The following WAC variants were observed in gnomAD, a reference collection of about 807,000 sequenced individuals.
WAC encodes the protein WW domain-containing adapter protein with coiled-coil.
Under a neutral mutation model 79.6 loss-of-function variants are expected in WAC, and 11 were observed. The observed-to-expected ratio is 0.14, with a 90% confidence interval of 0.09 to 0.23. The LOEUF is 0.23. WAC is among the 10% of genes least tolerant of loss of function. The pLI, the probability that WAC is intolerant of heterozygous loss-of-function variation, is 1.00. For missense variants in WAC, 728 were observed against 773.5 expected, an observed-to-expected ratio of 0.94 and a Z score of 0.70; for synonymous variants, 304 against 276.9, an observed-to-expected ratio of 1.10 and a Z score of -0.97.
chr10:28,608,343 C>T lies in WAC; in HGVS notation c.1077C>T (p.Asp359=). 6.2e-7 allele frequency: 1 copy of T among 1,614,170 alleles called. No homozygotes were observed. The highest frequency in any genetic ancestry group is 8.5e-7 in the Non-Finnish European group (1 of 1,180,032). ...CGCCAATACCTCCCTTACTTCAGGA[C>T]CCAAATCTTCTTAGACAATTGCTTC... ...PQSPIPPLLQ[D]PNLLRQLLPA... Residue 359 remains aspartate, a synonymous_variant, in exon 8 of 14, where the codon GAC becomes GAT. Coordinates refer to ENST00000354911, the MANE Select transcript of WAC (RefSeq NM_016628.5).
At chr10:28,562,233 T>A (rs1838339094) in intron 3 of WAC, among the ~76,000 whole-genome samples, 1 of 152,112 alleles carries the variant, frequency 6.6e-6, no homozygotes, top group African/African-American at 2.4e-5. Context: ...ATTTTTATAT[T>A]TTTAGTAGAG....
intron 3 of WAC, among the ~76,000 whole-genome samples, chr10:28,549,282 T>C (rs1208034790): frequency 6.6e-6 from 1 of 152,172 alleles, no homozygotes. Flanking sequence ...CAAAAGTTAC[T>C]TTTTCTGAGG....
At chr10:28,543,025 T>TA (rs1564374062) in intron 3 of WAC, among the ~76,000 whole-genome samples, 1 of 152,158 alleles carries the variant, frequency 6.6e-6, no homozygotes, top group Non-Finnish European at 1.5e-5. Flanking sequence ...AATGGATAGA[T>TA]AAAAAAAATT....
chr10:28,618,152 A>G (rs1322255528), intron 13 of WAC: 1 of 160,346 alleles, frequency 6.2e-6, no homozygotes, highest in Non-Finnish European at 1.4e-5. Context: ...TGAAAAGTAT[A>G]GAAAGAATTT....
intron 7 of WAC, among the ~76,000 whole-genome samples, chr10:28,607,672 T>C (rs1460897217): frequency 6.6e-6 from 1 of 152,212 alleles, no homozygotes; most frequent in Non-Finnish European, 1.5e-5. Context: ...ATCACATCTT[T>C]AGCCCATTTT....
Position 28,590,811 on chromosome 10 carries a change from A to G in WAC, c.589A>G (p.Thr197Ala). The G allele has an allele frequency of 1.2e-6, 2 of 1,610,944 alleles. No homozygotes were observed. Among genetic ancestry groups the G allele is most frequent in the African/African-American group, 1.3e-5 (1 of 74,826 alleles). The part of the protein sequence containing the change: ...YRREVMQATA[T>A]SGFASGMEDK... ...AAGAGAGGTGATGCAAGCAACAGCC[A>G]CTAGTGGGTTTGCCAGTGGAAGTAA... The change falls in exon 6 of 14, where the codon ACT (threonine) becomes GCT (alanine). Residue 197 changes from threonine (T) to alanine (A), a missense_variant. By Grantham distance (58) the Thr-to-Ala change is moderately conservative. Around this residue, in one of 3 missense-constraint regions of WAC, gnomAD observed 648 missense variants for 661.5 expected, o/e 0.98. Coordinates refer to ENST00000354911, the MANE Select transcript of WAC (RefSeq NM_016628.5).
intron 12 of WAC, 100 bp downstream of exon 12, chr10:28,616,462 A>G: frequency 2.1e-6 from 2 of 964,994 alleles, no homozygotes; most frequent in Non-Finnish European, 1.4e-6. Flanking sequence ...TTCAAGCAAT[A>G]TTTAAAATAA....
intron 7 of WAC, among the ~76,000 whole-genome samples, chr10:28,600,521 G>C (rs1000546981): frequency 6.6e-6 from 1 of 152,100 alleles, no homozygotes; most frequent in African/African-American, 2.4e-5. Context: ...ATTGGCCATA[G>C]TTATTCAAAT....
At chr10:28,543,343 CA>C (rs1837167207) in intron 3 of WAC, among the ~76,000 whole-genome samples, 1 of 152,292 alleles carries the variant, frequency 6.6e-6, no homozygotes, top group African/African-American at 2.4e-5. Context: ...CCTAATATAT[CA>C]AAAATATTTC....
At chr10:28,556,802 A>G (rs1298055485) in intron 3 of WAC, among the ~76,000 whole-genome samples, 1 of 152,044 alleles carries the variant, frequency 6.6e-6, no homozygotes, top group Non-Finnish European at 1.5e-5. Flanking sequence ...TCCCAGCAAC[A>G]TTTTTTGAAG....
Position 28,533,988 on chromosome 10 carries a change from T to C in WAC, c.42-10T>C. 1 of 1,605,976 alleles carries C rather than the reference T, an allele frequency of 6.2e-7. No homozygotes were observed. Among genetic ancestry groups the C allele is most frequent in the Admixed American group, 1.7e-5 (1 of 59,496 alleles). Reference sequence around the variant, plus strand: ...GTCTTATGTCGCTGCCTTCTCTTCCTGTTTTTCAGCTGTCACGACCGGAGG... The same window carrying C: ...GTCTTATGTCGCTGCCTTCTCTTCCCGTTTTTCAGCTGTCACGACCGGAGG... On this transcript the variant is annotated splice_polypyrimidine_tract_variant and intron_variant, in intron 1 of 13. Coordinates refer to ENST00000354911, the MANE Select transcript of WAC (RefSeq NM_016628.5).
Position 28,591,118 on chromosome 10 carries a change from C to A in WAC, c.610+286C>A, listed in dbSNP as rs572241636. On this transcript the variant is annotated intron_variant, in intron 6 of 13. Coordinates refer to ENST00000354911, the MANE Select transcript of WAC (RefSeq NM_016628.5). ...TTTGGATTGGTTTCCCCTGATCCCCCCAGACAGGAGCTTCCTCTCCCACCC... is the reference window on the plus strand; with the variant it reads ...TTTGGATTGGTTTCCCCTGATCCCCACAGACAGGAGCTTCCTCTCCCACCC... The A allele has an allele frequency of 6.6e-4, 199 of 301,954 alleles. 2 individuals are homozygous for A. Among genetic ancestry groups the A allele is most frequent in the Non-Finnish European group, 6.8e-4 (110 of 161,428 alleles). The allele number at this position is 301,954 out of a possible 1,614,324, so 18.7% of individuals were successfully genotyped here.
intron 3 of WAC, among the ~76,000 whole-genome samples, chr10:28,552,258 A>G (rs1365117697): frequency 6.6e-6 from 1 of 152,064 alleles, no homozygotes; most frequent in Non-Finnish European, 1.5e-5. Context: ...AAAAGCACTA[A>G]TTTTGTGGAT....
chr10:28,573,113 T>C (rs886757620), intron 3 of WAC, among the ~76,000 whole-genome samples: 6 of 57,824 alleles, frequency 1.0e-4, no homozygotes, highest in African/African-American at 2.3e-4. Flanking sequence ...ATATTTTACA[T>C]GGCTATTTTT....
chr10:28,601,637 TTAGA>T, intron 7 of WAC, among the ~76,000 whole-genome samples: 1 of 152,050 alleles, frequency 6.6e-6, no homozygotes, highest in Admixed American at 6.5e-5. Flanking sequence ...CAGACAAACA[TTAGA>T]TAGAAACAAT....
chr10:28,617,240 G>C (rs1031991664), intron 12 of WAC, among the ~76,000 whole-genome samples: 1 of 152,148 alleles, frequency 6.6e-6, no homozygotes, highest in African/African-American at 2.4e-5. Flanking sequence ...TGACCATCTG[G>C]GGTGTTCGAA....
At chr10:28,608,964 C>A (rs1841092368) in intron 8 of WAC, among the ~76,000 whole-genome samples, 1 of 152,062 alleles carries the variant, frequency 6.6e-6, no homozygotes, top group African/African-American at 2.4e-5. Flanking sequence ...TTAATTCCAG[C>A]CTTGCTTTTC....
At chr10:28,604,447 C>G (rs1049095874) in intron 7 of WAC, among the ~76,000 whole-genome samples, 5 of 151,654 alleles carry the variant, frequency 3.3e-5, no homozygotes, top group Non-Finnish European at 5.9e-5. Context: ...AAAAGTACAA[C>G]AAGGCCCGGC....
At chr10:28,600,244 C>T (rs889975890) in intron 7 of WAC, among the ~76,000 whole-genome samples, 2 of 151,970 alleles carry the variant, frequency 1.3e-5, no homozygotes, top group Non-Finnish European at 2.9e-5. Context: ...ATGCTGGTGC[C>T]ATATGTAAAG....
Sources: allele counts gnomAD v4.1 joint callset (sites outside exome capture counted in the v4.1 genomes callset), GRCh38; gene constraint gnomAD v4.1.1; regional missense constraint gnomAD v4.1.1; transcripts MANE v1.5; gene names NCBI Gene and HGNC (gene_info 2026-07-23, HGNC 2026-07-21).